Variants in STPG2 observed in about 807,000 individuals in gnomAD.
The protein encoded by STPG2 is sperm tail PG-rich repeat containing 2.
Under a neutral mutation model 54.2 loss-of-function variants are expected in STPG2, and 56 were observed. That is an observed-to-expected ratio of 1.03 (90% CI 0.83 to 1.29). The LOEUF is 1.29. STPG2 is among the 50% of genes most tolerant of loss of function. The pLI, the probability that STPG2 is intolerant of heterozygous loss-of-function variation, is 0.00. For synonymous variants in STPG2, 200 were observed against 181.8 expected, an observed-to-expected ratio of 1.10 and a Z score of -0.81; for missense variants, 596 against 544.9, an observed-to-expected ratio of 1.09 and a Z score of -0.93.
intron 5 of STPG2, among the ~76,000 whole-genome samples, chr4:98,089,458 G>A (rs536873180): frequency 2.0e-5 from 3 of 151,256 alleles, no homozygotes; most frequent in African/African-American, 7.3e-5. Context: ...TTGGTCGATG[G>A]GCACTTAGGT....
At chr4:97,970,488 C>A (rs542517969) in intron 7 of STPG2, among the ~76,000 whole-genome samples, 5 of 152,006 alleles carry the variant, frequency 3.3e-5, no homozygotes, top group Non-Finnish European at 5.9e-5. Context: ...CAGAACAGAG[C>A]CCTCAGAAAT....
At chr4:97,526,604 T>C (rs180832562) in intron 4 of STPG2, among the ~76,000 whole-genome samples, 1 of 152,192 alleles carries the variant, frequency 6.6e-6, no homozygotes, top group Non-Finnish European at 1.5e-5. Flanking sequence ...AGTGCAAAAA[T>C]TTTCTCCCAT....
chr4:97,597,284 A>C (rs558096870), intron 10 of STPG2, among the ~76,000 whole-genome samples: 2 of 152,286 alleles, frequency 1.3e-5, no homozygotes, highest in South Asian at 4.1e-4. Context: ...CCAATGAAAA[A>C]AAGCCCACAA....
intron 8 of STPG2, among the ~76,000 whole-genome samples, chr4:97,942,183 CAT>C (rs1274815028): frequency 1.0e-5 from 1 of 97,104 alleles, no homozygotes; most frequent in Non-Finnish European, 2.3e-5. Context: ...TATATATACA[CAT>C]ACTGCCTTCC....
chr4:97,451,040 G>C (rs1289437562), intron 4 of STPG2, among the ~76,000 whole-genome samples: 1 of 152,032 alleles, frequency 6.6e-6, no homozygotes, highest in Non-Finnish European at 1.5e-5. Context: ...GTTCAGAGGG[G>C]GAAGTATGGG....
In STPG2 at chr4:97,891,676, A is replaced by T. The variant is rs80302077; in HGVS notation, c.1045-50744T>A. ...TTCATTTTCCTACAAGTAGAAAAAA[A>T]ATCTTAAAGAAAATATAGAAAAATA... is the stretch of plus-strand genomic sequence containing the variant. On this transcript the variant is annotated intron_variant, in intron 8 of 10. Transcript: ENST00000295268. Among the ~76,000 whole-genome samples the T allele has an allele frequency of 2.1e-3, 319 of 152,204 alleles. 6 individuals carry two copies. The East Asian group carries it at 0.03, about 14-fold the overall frequency.
At chr4:97,486,740 G>C (rs994358428) in intron 4 of STPG2, among the ~76,000 whole-genome samples, 4 of 150,834 alleles carry the variant, frequency 2.7e-5, no homozygotes, top group African/African-American at 4.9e-5. Flanking sequence ...AGCACAATTC[G>C]CAATTGCAAA....
chr4:97,663,022 A>C (rs1722420506), intron 10 of STPG2, among the ~76,000 whole-genome samples: 1 of 152,104 alleles, frequency 6.6e-6, no homozygotes, highest in African/African-American at 2.4e-5. Flanking sequence ...ACCAACTACT[A>C]ACATTTCATG....
chr4:98,016,737 G>A (rs1364234507), intron 5 of STPG2, among the ~76,000 whole-genome samples: 1 of 152,060 alleles, frequency 6.6e-6, no homozygotes, highest in East Asian at 1.9e-4. Context: ...ATGGTTCTTT[G>A]TCAGGCTATT....
At chr4:97,625,432 C>T (rs994076475) in intron 10 of STPG2, among the ~76,000 whole-genome samples, 2 of 152,134 alleles carry the variant, frequency 1.3e-5, no homozygotes, top group South Asian at 2.1e-4. Context: ...GCCTCAGCCT[C>T]CCGAGTAGCT....
chr4:98,056,315 G>A (rs1027369490), intron 5 of STPG2, among the ~76,000 whole-genome samples: 1 of 152,094 alleles, frequency 6.6e-6, no homozygotes, highest in Non-Finnish European at 1.5e-5. Flanking sequence ...CACCTCCAGT[G>A]CAACAGCACA....
chr4:97,616,092 A>ATAGATATATG (rs1733866215), intron 10 of STPG2, among the ~76,000 whole-genome samples: 1 of 63,268 alleles, frequency 1.6e-5, no homozygotes, highest in Non-Finnish European at 3.5e-5. Flanking sequence ...ATATATATAT[A>ATAGATATATG]TATGTATGTA....
At chr4:98,142,543 TGAG>T (rs201192360) in intron 1 of STPG2, among the ~76,000 whole-genome samples, 3,697 of 151,996 alleles carry the variant, frequency 0.024, 76 homozygotes, top group Middle Eastern at 0.037. Flanking sequence ...TTAAAAGAGA[TGAG>T]GACGGTCAGA....
intron 7 of STPG2, among the ~76,000 whole-genome samples, chr4:97,951,159 C>T (rs925414322): frequency 1.3e-5 from 2 of 152,208 alleles, no homozygotes; most frequent in African/African-American, 4.8e-5. Context: ...ACACTCCTGA[C>T]TCACTGTCCC....
intron 8 of STPG2, among the ~76,000 whole-genome samples, chr4:97,913,304 C>T (rs542670836): frequency 4.6e-5 from 7 of 152,168 alleles, no homozygotes; most frequent in Non-Finnish European, 1.0e-4. Flanking sequence ...TAATCCATCA[C>T]TTGAGCTGTA....
At chr4:97,479,150 A>T (rs1730155483) in intron 4 of STPG2, among the ~76,000 whole-genome samples, 1 of 151,962 alleles carries the variant, frequency 6.6e-6, no homozygotes, top group South Asian at 2.1e-4. Flanking sequence ...ACACACACAC[A>T]CACACACAAA....
chr4:98,141,637 A>G (rs142407390), intron 1 of STPG2, among the ~76,000 whole-genome samples: 301 of 152,322 alleles, frequency 2.0e-3, no homozygotes, highest in African/African-American at 7.1e-3. Context: ...TACTTGATTA[A>G]TAACTCATGC....
At chr4:97,728,151 A>G (rs1724680239) in intron 9 of STPG2, among the ~76,000 whole-genome samples, 1 of 152,024 alleles carries the variant, frequency 6.6e-6, no homozygotes, top group Admixed American at 6.6e-5. Flanking sequence ...GGTATTGTCT[A>G]TACTTGGCCA....
At chr4:97,973,947 G>A (rs1319835819) in intron 6 of STPG2, among the ~76,000 whole-genome samples, 1 of 152,132 alleles carries the variant, frequency 6.6e-6, no homozygotes, top group African/African-American at 2.4e-5. Context: ...ATGAGAAGAG[G>A]GCCACCATAT....
Sources: gnomAD v4.1 joint callset for allele counts (sites outside exome capture counted in the v4.1 genomes callset) on GRCh38, gnomAD v4.1.1 for gene constraint, MANE v1.5 for transcripts, NCBI Gene and HGNC (gene_info 2026-07-23, HGNC 2026-07-21) for gene names.